The following HGD variants were observed in gnomAD, a reference collection of about 807,000 sequenced individuals.
The protein encoded by HGD is homogentisate oxidase.
HGD carries 61 observed loss-of-function variants against 60.8 expected under a neutral mutation model. The observed-to-expected ratio is 1.00, with a 90% CI of 0.82 to 1.24. HGD has a LOEUF of 1.24. Ranked by LOEUF, HGD falls within the 50% of genes most tolerant of loss-of-function variation. The pLI is 0.00. For synonymous variants in HGD, 212 were observed against 187.7 expected (o/e 1.13, Z -1.06); for missense variants, 542 against 547.1 (o/e 0.99, Z 0.09).
At chr3:120,632,232 C>A (rs751572564) in intron 13 of HGD, among the ~76,000 whole-genome samples, 2 of 152,182 alleles carry the variant, frequency 1.3e-5, no homozygotes, top group Non-Finnish European at 2.9e-5. Flanking sequence ...ACAGATAATG[C>A]TCACTGTTTA....
At chr3:120,634,055 T>C (rs572564372) in intron 12 of HGD, among the ~76,000 whole-genome samples, 1 of 152,324 alleles carries the variant, frequency 6.6e-6, no homozygotes, top group African/African-American at 2.4e-5. Flanking sequence ...TCCTAAATCT[T>C]GAAATTGGAA....
intron 6 of HGD, among the ~76,000 whole-genome samples, chr3:120,649,139 C>CTTTTTTTTTTTTTT (rs10572267): frequency 5.3e-5 from 5 of 94,420 alleles, no homozygotes; most frequent in Admixed American, 1.2e-4. Context: ...TCTTCTTTTT[C>CTTTTTTTTTTTTTT]TTTTTTTTTT....
chr3:120,652,493 T>C, intron 5 of HGD, 99 bp downstream of exon 5: 1 of 861,988 alleles, frequency 1.2e-6, no homozygotes, highest in East Asian at 2.5e-5. Flanking sequence ...TGCCTCCTGA[T>C]AGGGCTGCTT....
At chr3:120,675,714 G>T in intron 2 of HGD, 78 bp downstream of exon 2, 2 of 1,095,074 alleles carry the variant, frequency 1.8e-6, no homozygotes, top group Non-Finnish European at 2.8e-6. Context: ...GCCACGGTGG[G>T]TGGAGGCACT....
Position 120,677,206 on chromosome 3 carries a change from A to G in HGD, c.16-1343T>C, listed in dbSNP as rs535153626. ...AGCAACATGAAATGTGGACACCTTGAAAAAAGAACAGGATAACAGCAATTG... is the reference window on the plus strand; with the variant it reads ...AGCAACATGAAATGTGGACACCTTGGAAAAAGAACAGGATAACAGCAATTG... On this transcript the variant is annotated intron_variant, in intron 1 of 13. Transcript: ENST00000283871. Among the ~76,000 whole-genome samples the G allele has an allele frequency of 1.1e-4, 16 of 152,128 alleles. No individual in the cohort carries two copies. The South Asian group carries it at 3.3e-3, about 32-fold the overall frequency.
chr3:120,672,977 G>A (rs1479640202), intron 3 of HGD, among the ~76,000 whole-genome samples: 1 of 152,144 alleles, frequency 6.6e-6, no homozygotes, highest in Non-Finnish European at 1.5e-5. Flanking sequence ...TAGGTACGTA[G>A]GTAGGTAGAT....
At chr3:120,637,092 G>A (rs1940806286) in intron 12 of HGD, among the ~76,000 whole-genome samples, 2 of 152,070 alleles carry the variant, frequency 1.3e-5, no homozygotes, top group South Asian at 4.2e-4. Context: ...CAGCCGTGAA[G>A]TACTTTATTT....
At chr3:120,672,933 T>C (rs1206186505) in intron 3 of HGD, among the ~76,000 whole-genome samples, 1 of 152,204 alleles carries the variant, frequency 6.6e-6, no homozygotes, top group Non-Finnish European at 1.5e-5. Context: ...AGCTAGCTAA[T>C]CTGATAAAAA....
At chr3:120,651,524 T>G (rs1005001539) in intron 5 of HGD, among the ~76,000 whole-genome samples, 1 of 152,182 alleles carries the variant, frequency 6.6e-6, no homozygotes, top group Admixed American at 6.5e-5. Flanking sequence ...GGGATATCAT[T>G]TTGTATTTTA....
intron 4 of HGD, among the ~76,000 whole-genome samples, chr3:120,653,572 G>T (rs909810858): frequency 6.6e-6 from 1 of 152,180 alleles, no homozygotes; most frequent in Admixed American, 6.5e-5. Flanking sequence ...GCAGCCTTGG[G>T]ATTATTCTGC....
intron 3 of HGD, among the ~76,000 whole-genome samples, chr3:120,674,146 T>A (rs185271773): frequency 1.1e-4 from 17 of 152,250 alleles, no homozygotes; most frequent in African/African-American, 4.1e-4. Context: ...TCTCCCCGAG[T>A]CTCTAATACC....
chr3:120,681,433 C>T (rs1708228554), intron 1 of HGD, among the ~76,000 whole-genome samples: 1 of 152,228 alleles, frequency 6.6e-6, no homozygotes, highest in South Asian at 2.1e-4. Flanking sequence ...CAAACATACC[C>T]TGCTTCTAAT....
chr3:120,642,364 G>A (rs903421403), intron 10 of HGD, among the ~76,000 whole-genome samples: 1 of 152,192 alleles, frequency 6.6e-6, no homozygotes, highest in Admixed American at 6.5e-5. Flanking sequence ...GACTAGAAAT[G>A]TTGAGGTATC....
At chr3:120,661,834 A>T (rs1707774763) in intron 4 of HGD, among the ~76,000 whole-genome samples, 1 of 152,264 alleles carries the variant, frequency 6.6e-6, no homozygotes, top group Admixed American at 6.5e-5. Context: ...TATTTATAGA[A>T]TGATAGGATC....
At chr3:120,669,277 A>C (rs144140750) in intron 4 of HGD, among the ~76,000 whole-genome samples, 4,000 of 152,122 alleles carry the variant, frequency 0.026, 67 homozygotes, top group Middle Eastern at 0.065. Context: ...CAAAAAAAAA[A>C]CCATGAGCAT....
In HGD at chr3:120,671,750, A is replaced by G. The variant is rs148461684; in HGVS notation, c.177-1218T>C. 1.8e-3 allele frequency among the ~76,000 whole-genome samples: 268 copies of G among 152,376 alleles called. 1 individual carries two copies. Among genetic ancestry groups the G allele is most frequent in the South Asian group, 0.011 (51 of 4,832 alleles). On this transcript the variant is annotated intron_variant, in intron 3 of 13. Transcript: ENST00000283871. ...ATAGAATCAACCCAAATGCCCATCAATGATAGACTGGATAAAGAAAATGTG... is the reference window on the plus strand; with the variant it reads ...ATAGAATCAACCCAAATGCCCATCAGTGATAGACTGGATAAAGAAAATGTG...
intron 4 of HGD, among the ~76,000 whole-genome samples, chr3:120,653,136 GAGAA>G (rs1941394191): frequency 6.6e-6 from 1 of 152,104 alleles, no homozygotes; most frequent in African/African-American, 2.4e-5. Flanking sequence ...GTTTTTTTAA[GAGAA>G]AGAAAGAGCA....
intron 7 of HGD, 43 bp from the exon 8 acceptor site, chr3:120,647,095 G>A: frequency 6.8e-7 from 1 of 1,468,604 alleles, no homozygotes; most frequent in Non-Finnish European, 9.5e-7. Context: ...TTCTTTTGGT[G>A]TGATAACCAT....
At chr3:120,647,984 T>C in intron 6 of HGD, 73 bp from the exon 7 acceptor site, 6 of 1,255,416 alleles carry the variant, frequency 4.8e-6, no homozygotes, top group South Asian at 1.2e-5. Context: ...ATAACACAAA[T>C]CATTGTTTAG....
Sources: allele counts gnomAD v4.1 joint callset (sites outside exome capture counted in the v4.1 genomes callset), GRCh38; gene constraint gnomAD v4.1.1; transcripts MANE v1.5; gene names NCBI Gene and HGNC (gene_info 2026-07-23, HGNC 2026-07-21).